Variants in SCHIP1 observed in about 807,000 individuals in gnomAD.
SCHIP1 encodes schwannomin interacting protein 1.
Under a neutral mutation model 29.7 loss-of-function variants are expected in SCHIP1, and 8 were observed. The ratio of observed to expected loss-of-function variants is 0.27; its 90% CI spans 0.16 to 0.49. The LOEUF (loss-of-function observed/expected upper bound fraction) is 0.49, where lower values mean the gene tolerates loss of function less well. Ranked by LOEUF, SCHIP1 falls within the 20% of genes least tolerant of loss-of-function variation. SCHIP1 has a pLI of 0.99. For synonymous variants in SCHIP1, 76 were observed against 94.9 expected (o/e 0.80, Z 1.16); for missense variants, 193 against 294.6 (o/e 0.66, Z 2.52).
At chr3:159,713,175 GAAAGAA>G in the SCHIP1 span, among the ~76,000 whole-genome samples, 1 of 111,236 alleles carries the variant, frequency 9.0e-6, no homozygotes, top group East Asian at 2.6e-4. Context: ...AGAAGAAAGA[GAAAGAA>G]AAAGGAAAGA....
At chr3:159,847,157 G>A (rs984844118) in intron 1 of SCHIP1, among the ~76,000 whole-genome samples, 1 of 152,162 alleles carries the variant, frequency 6.6e-6, no homozygotes, top group Non-Finnish European at 1.5e-5. Flanking sequence ...TGGTGGTGAT[G>A]GGGGGTGGGA....
upstream of SCHIP1, among the ~76,000 whole-genome samples, chr3:159,836,421 C>T (rs1038210394): frequency 1.3e-5 from 2 of 152,172 alleles, no homozygotes; most frequent in African/African-American, 4.8e-5. Flanking sequence ...AATGGCCCCA[C>T]CTTTTAATAC....
intron 1 of SCHIP1, among the ~76,000 whole-genome samples, chr3:159,850,351 C>T (rs1368958213): frequency 1.3e-5 from 2 of 152,022 alleles, no homozygotes; most frequent in African/African-American, 4.8e-5. Flanking sequence ...GTCAGGAGTT[C>T]GAGACCATCC....
intron 1 of SCHIP1, among the ~76,000 whole-genome samples, chr3:159,851,752 C>T (rs1429303569): frequency 6.6e-6 from 1 of 152,304 alleles, no homozygotes; most frequent in East Asian, 1.9e-4. Context: ...CCAGCATTGC[C>T]ACAGCCCCGG....
the SCHIP1 span, among the ~76,000 whole-genome samples, chr3:159,773,496 C>T: frequency 6.6e-6 from 1 of 151,862 alleles, no homozygotes; most frequent in Admixed American, 6.5e-5. Flanking sequence ...CACTTCAGTG[C>T]TTCAACAGAT....
chr3:159,848,809 A>G (rs1712184431), intron 1 of SCHIP1, among the ~76,000 whole-genome samples: 1 of 152,192 alleles, frequency 6.6e-6, no homozygotes, highest in Non-Finnish European at 1.5e-5. Context: ...TTTCACAGAT[A>G]AGTGATGCCA....
At chr3:159,393,636 T>C in the SCHIP1 span, among the ~76,000 whole-genome samples, 1 of 149,436 alleles carries the variant, frequency 6.7e-6, no homozygotes, top group Non-Finnish European at 1.5e-5. Context: ...ATATGTGGCG[T>C]TATTTCTGAG....
the SCHIP1 span, among the ~76,000 whole-genome samples, chr3:159,513,630 A>T: frequency 3.9e-5 from 6 of 152,182 alleles, no homozygotes; most frequent in Non-Finnish European, 8.8e-5. Context: ...GTGTCAGGGA[A>T]AAAATCGGTG....
the SCHIP1 span, among the ~76,000 whole-genome samples, chr3:159,356,735 A>G: frequency 6.6e-6 from 1 of 152,236 alleles, no homozygotes; most frequent in Non-Finnish European, 1.5e-5. Context: ...AGAGTAGTTT[A>G]GGCCCTGGGA....
chr3:159,326,135 A>G, the SCHIP1 span, among the ~76,000 whole-genome samples: 1 of 152,140 alleles, frequency 6.6e-6, no homozygotes, highest in Non-Finnish European at 1.5e-5. Context: ...CCAAGGCCGT[A>G]AGCAAATAGG....
chr3:159,459,992 A>T, the SCHIP1 span, among the ~76,000 whole-genome samples: 1 of 152,202 alleles, frequency 6.6e-6, no homozygotes, highest in Non-Finnish European at 1.5e-5. Flanking sequence ...CTCCTTGTTT[A>T]ACTCAGTCTG....
the SCHIP1 span, among the ~76,000 whole-genome samples, chr3:159,621,730 A>G: frequency 6.6e-6 from 1 of 151,650 alleles, no homozygotes; most frequent in Non-Finnish European, 1.5e-5. Flanking sequence ...CAATGGTATG[A>G]TCTCGTCCCA....
chr3:159,856,983 G>A (rs1713455041), intron 1 of SCHIP1, among the ~76,000 whole-genome samples: 1 of 152,142 alleles, frequency 6.6e-6, no homozygotes, highest in Admixed American at 6.5e-5. Context: ...GCCTGTGAGG[G>A]CTGAATACGC....
chr3:159,356,273 A>G, the SCHIP1 span, among the ~76,000 whole-genome samples: 1 of 152,202 alleles, frequency 6.6e-6, no homozygotes, highest in African/African-American at 2.4e-5. Flanking sequence ...ATCCTATGCT[A>G]CACCTTGAAT....
the SCHIP1 span, among the ~76,000 whole-genome samples, chr3:159,503,509 C>T: frequency 6.6e-6 from 1 of 152,182 alleles, no homozygotes; most frequent in Non-Finnish European, 1.5e-5. Context: ...GGATGGCTAT[C>T]ATTATCCTAG....
chr3:159,365,165 G>A, the SCHIP1 span, among the ~76,000 whole-genome samples: 1 of 152,298 alleles, frequency 6.6e-6, no homozygotes, highest in Non-Finnish European at 1.5e-5. Flanking sequence ...GCGGGTACCA[G>A]AGAGACGGCA....
chr3:159,463,450 G>A, the SCHIP1 span, among the ~76,000 whole-genome samples: 3 of 152,024 alleles, frequency 2.0e-5, no homozygotes, highest in Non-Finnish European at 4.4e-5. Context: ...TCTGTTTGAT[G>A]TTTTACCTAT....
chr3:159,620,829 T>A, the SCHIP1 span, among the ~76,000 whole-genome samples: 2 of 152,248 alleles, frequency 1.3e-5, no homozygotes, highest in African/African-American at 4.8e-5. Context: ...CAAAGCCTTT[T>A]CTTTTCCTTG....
the SCHIP1 span, among the ~76,000 whole-genome samples, chr3:159,474,542 C>T: frequency 6.6e-6 from 1 of 152,072 alleles, no homozygotes; most frequent in Admixed American, 6.6e-5. Flanking sequence ...CAAAATCTCT[C>T]TAAACGGTAT....
Sources: allele counts gnomAD v4.1 joint callset (sites outside exome capture counted in the v4.1 genomes callset), GRCh38; gene constraint gnomAD v4.1.1; transcripts MANE v1.5; gene names NCBI Gene and HGNC (gene_info 2026-07-23, HGNC 2026-07-21).